Variants in CDK12 observed in about 807,000 individuals in gnomAD.
CDK12 encodes the protein cyclin dependent kinase 12.
A neutral mutation model predicts 133.8 loss-of-function variants in CDK12; 17 were observed. The observed-to-expected ratio is 0.13, with a 90% CI of 0.09 to 0.19. The LOEUF (loss-of-function observed/expected upper bound fraction) is 0.19, where lower values mean the gene tolerates loss of function less well. Ranked by LOEUF, CDK12 falls within the 10% of genes least tolerant of loss-of-function variation. CDK12 has a pLI of 1.00. For synonymous variants in CDK12, 694 were observed against 683.6 expected (o/e 1.02, Z -0.24); for missense variants, 1,508 against 1,818.7 (o/e 0.83, Z 3.11).
intron 12 of CDK12, among the ~76,000 whole-genome samples, chr17:39,525,087 C>G (rs543616128): frequency 6.6e-6 from 1 of 152,290 alleles, no homozygotes; most frequent in East Asian, 1.9e-4. Flanking sequence ...TACAATAGAT[C>G]ATTTTCCTTT....
chr17:39,531,187 T>C lies in CDK12; in HGVS notation c.4344T>C (p.Thr1448=). 6.6e-7 allele frequency: 1 copy of C among 1,522,214 alleles called. No individual in the cohort carries two copies. The highest frequency in any genetic ancestry group is 1.3e-5 in the South Asian group (1 of 75,426). The allele number at this position is 1,522,214 out of a possible 1,614,324, so 94.3% of individuals were successfully genotyped here. A position where few individuals can be genotyped will look rare whatever the true frequency, so the allele number is the denominator to read the frequency against. ...ATGGGGAGCTGGGGCCAGGAACCAC[T>C]GGGGCCAGCAGCTCAGGAGCAGGCC... ...QNYGELGPGT[T]GASSSGAGLH... is the part of the protein sequence containing the mutation. The change falls in exon 14 of 14, where the codon ACT becomes ACC. Residue 1448 remains threonine (T), a synonymous_variant. Transcript: ENST00000447079.
chr17:39,553,237 G>C (rs2056025196), intron 2 of CDK12, among the ~76,000 whole-genome samples: 1 of 152,084 alleles, frequency 6.6e-6, no homozygotes, highest in Non-Finnish European at 1.5e-5. Flanking sequence ...TGGTTGAAGA[G>C]AGATCTGGAT....
chr17:39,485,844 G>T (rs1178158531), intron 2 of CDK12, among the ~76,000 whole-genome samples: 4 of 151,992 alleles, frequency 2.6e-5, no homozygotes, highest in East Asian at 1.9e-4. Flanking sequence ...CTACAGTCCA[G>T]CTTGGGTGAC....
intron 2 of CDK12, among the ~76,000 whole-genome samples, chr17:39,472,541 G>A (rs1016303086): frequency 6.6e-6 from 1 of 151,928 alleles, no homozygotes; most frequent in Non-Finnish European, 1.5e-5. Context: ...GGGCGTGGTG[G>A]TGGGCCCCTG....
rs2048985441 is a variant in CDK12, at chr17:39,461,916, G to C, written c.-156G>C. 1 of 624,718 alleles carries C rather than the reference G, an allele frequency of 1.6e-6. No individual in the cohort carries two copies. The allele number at this position is 624,718 out of a possible 1,614,324, so 38.7% of individuals were successfully genotyped here. A position where few individuals can be genotyped will look rare whatever the true frequency, so the allele number is the denominator to read the frequency against. On this transcript the variant is annotated 5_prime_UTR_variant, in exon 1 of 14. Transcript: ENST00000447079. ...TCATGTAGAAGGGTGCTGAGGCGTC[G>C]GGAGGGAGGAGGAGCCTGGGCTACC... is the stretch of plus-strand genomic sequence containing the variant.
intron 10 of CDK12, among the ~76,000 whole-genome samples, chr17:39,519,048 C>T (rs532228717): frequency 8.6e-5 from 13 of 151,410 alleles, no homozygotes; most frequent in Non-Finnish European, 4.4e-5. Context: ...ATTACTGGCA[C>T]GTGCCACCAC....
At chr17:39,565,457 G>C (rs1899016272), downstream of CDK12, among the ~76,000 whole-genome samples, 1 of 140,360 alleles carries the variant, frequency 7.1e-6, no homozygotes, top group Non-Finnish European at 1.6e-5. Context: ...AAAAAAAACG[G>C]AGTTTCGCTC....
intron 2 of CDK12, among the ~76,000 whole-genome samples, chr17:39,478,291 A>C (rs2050376175): frequency 6.6e-6 from 1 of 151,516 alleles, no homozygotes; most frequent in Non-Finnish European, 1.5e-5. Context: ...TCTGGGGTTC[A>C]CATGACTCTC....
In CDK12 at chr17:39,492,901, C is replaced by T; in HGVS notation, c.2248+11C>T. ...AGGACAAAGACACAGGTAAATATTG[C>T]CACAAAATTTTAGATGTCAGAATGT... On this transcript the variant is annotated intron_variant, in intron 4 of 13. Transcript: ENST00000447079. 1 of 1,585,912 alleles carries T rather than the reference C, an allele frequency of 6.3e-7. No individual in the cohort carries two copies. The highest frequency in any genetic ancestry group is 1.4e-5 in the African/African-American group (1 of 73,324).
At chr17:39,519,763 A>AAT (rs1555573073) in intron 10 of CDK12, among the ~76,000 whole-genome samples, 193 bp from the exon 11 acceptor site, 16 of 151,710 alleles carry the variant, frequency 1.1e-4, no homozygotes, top group Admixed American at 5.9e-4. Flanking sequence ...GCTAATTAAA[A>AAT]ATATATATAT....
At position 39,470,993 on chromosome 17, in the gene CDK12, C is replaced by G. The variant is rs2049750737; in HGVS notation, c.1161C>G (p.Val387=). The change falls in exon 2 of 14, where the codon GTC becomes GTG. Residue 387 remains valine, a synonymous_variant. Coordinates refer to ENST00000447079, the MANE Select transcript of CDK12 (RefSeq NM_016507.4). ...SRSRHSSISP[V]RLPLNSSLGA... is the part of the protein sequence containing the mutation. ...GTCGTCATTCCAGTATCTCACCTGT[C>G]AGGCTTCCACTTAATTCCAGTCTGG... The G allele has an allele frequency of 2.5e-6, 4 of 1,614,134 alleles. No individual in the cohort carries two copies. The highest frequency in any genetic ancestry group is 1.7e-6 in the Non-Finnish European group (2 of 1,180,020).
chr17:39,551,450 C>A (rs915840499), intron 2 of CDK12, among the ~76,000 whole-genome samples: 1 of 152,160 alleles, frequency 6.6e-6, no homozygotes, highest in East Asian at 1.9e-4. Flanking sequence ...ACCTCCTTAA[C>A]CAAGAAGCAA....
At chr17:39,467,952 G>A in intron 1 of CDK12, among the ~76,000 whole-genome samples, 1 of 151,440 alleles carries the variant, frequency 6.6e-6, no homozygotes, top group African/African-American at 2.4e-5. Flanking sequence ...GGAGTGCAGT[G>A]GCGTGATCTT....
intron 3 of CDK12, among the ~76,000 whole-genome samples, chr17:39,562,515 C>G (rs1045887343): frequency 2.6e-5 from 4 of 152,094 alleles, no homozygotes; most frequent in African/African-American, 9.7e-5. Context: ...TATTCAGGTC[C>G]CCACCTCTCC....
chr17:39,518,994 T>C (rs1473142539), intron 10 of CDK12, among the ~76,000 whole-genome samples: 1 of 152,124 alleles, frequency 6.6e-6, no homozygotes, highest in African/African-American at 2.4e-5. Flanking sequence ...CTCCGCCTCC[T>C]GGGTTTAAGT....
chr17:39,553,883 G>A (rs896072175), intron 2 of CDK12, among the ~76,000 whole-genome samples: 10 of 152,132 alleles, frequency 6.6e-5, no homozygotes, highest in African/African-American at 2.4e-4. Context: ...TCCCCACTCT[G>A]AGCTCTGTGA....
At chr17:39,475,389 C>G (rs1270685695) in intron 2 of CDK12, among the ~76,000 whole-genome samples, 2 of 152,014 alleles carry the variant, frequency 1.3e-5, no homozygotes, top group Non-Finnish European at 2.9e-5. Context: ...AGGAGGATCA[C>G]TTGAGCCCAG....
upstream of CDK12, among the ~76,000 whole-genome samples, chr17:39,547,502 G>A (rs960766245): frequency 1.3e-5 from 2 of 152,210 alleles, no homozygotes; most frequent in Non-Finnish European, 2.9e-5. Context: ...AGACTGTTCC[G>A]AAAGGAAAGA....
intron 13 of CDK12, among the ~76,000 whole-genome samples, chr17:39,527,609 A>G (rs960454698): frequency 6.6e-6 from 1 of 152,028 alleles, no homozygotes; most frequent in Non-Finnish European, 1.5e-5. Context: ...GTGCAATGGC[A>G]TGATCTTGGC....
Sources: allele counts gnomAD v4.1 joint callset (sites outside exome capture counted in the v4.1 genomes callset), GRCh38; gene constraint gnomAD v4.1.1; transcripts MANE v1.5; gene names NCBI Gene and HGNC (gene_info 2026-07-23, HGNC 2026-07-21).